PNPLA7: variants seen among roughly 807,000 people sequenced by gnomAD.
PNPLA7 encodes patatin-like phospholipase domain-containing protein 7.
In PNPLA7, 153 loss-of-function variants were observed where a neutral mutation model predicts 161.7. The ratio of observed to expected loss-of-function variants is 0.95; its 90% confidence interval spans 0.83 to 1.08. The LOEUF is 1.08. Ranked by LOEUF, PNPLA7 falls within the 50% of genes least tolerant of loss-of-function variation. The pLI is 0.00. For missense variants in PNPLA7, 1,739 were observed against 1,856.6 expected (o/e 0.94, Z 1.16); for synonymous variants, 809 against 782.1 (o/e 1.03, Z -0.57).
intron 8 of PNPLA7, among the ~76,000 whole-genome samples, chr9:137,534,377 G>A: frequency 6.7e-6 from 1 of 149,382 alleles, no homozygotes; most frequent in East Asian, 2.0e-4. Flanking sequence ...CTCCAGATGG[G>A]TGCACTTCCA....
At position 137,540,769 on chromosome 9, in the gene PNPLA7, C is replaced by T. The variant is rs376517338; in HGVS notation, c.667-47G>A. The stretch of plus-strand genomic sequence containing the variant: ...GGTGCCGTCAGGTCTGGGGCTGCGA[C>T]CGCGGGGCCTGGCGGAGGCTCAGCC... On this transcript the variant is annotated intron_variant, in intron 7 of 34. Transcript: ENST00000406427. The surrounding 1 kb of genome is among the most constrained non-coding windows in gnomAD (Gnocchi z 5.1). 1.1e-5 allele frequency: 17 copies of T among 1,550,804 alleles called. No homozygotes were observed. The African/African-American group carries it at 2.2e-4, about 20-fold the overall frequency.
chr9:137,462,085 C>T (rs1218863358), intron 31 of PNPLA7, 44 bp from the exon 32 acceptor site: 2 of 1,528,680 alleles, frequency 1.3e-6, no homozygotes, highest in East Asian at 2.4e-5. Flanking sequence ...TGGGGAGCCC[C>T]CCACTTCCTG....
intron 16 of PNPLA7, among the ~76,000 whole-genome samples, chr9:137,498,943 A>G (rs1833221493): frequency 6.6e-6 from 1 of 152,122 alleles, no homozygotes; most frequent in Admixed American, 6.5e-5. Context: ...CAAACGTGGA[A>G]TCAGGATCTG....
rs758553681 is a variant in PNPLA7, at chr9:137,531,810, GT to G, written c.747+8831del. 1.4e-4 allele frequency among the ~76,000 whole-genome samples: 22 copies of G among 152,322 alleles called. No individual in the cohort carries two copies. In the East Asian group the frequency reaches 2.3e-3, roughly 16 times the overall value. On this transcript the variant is annotated intron_variant, in intron 8 of 34. Coordinates refer to ENST00000406427, the MANE Select transcript of PNPLA7 (RefSeq NM_001098537.3). ...TAGCTATCTCTGAAGAAAAGAGAAG[GT>G]GAAATGAGAGCACACGTGGGTAATG...
intron 30 of PNPLA7, 75 bp downstream of exon 30, chr9:137,462,610 C>A: frequency 6.4e-7 from 1 of 1,555,928 alleles, no homozygotes; most frequent in Non-Finnish European, 8.7e-7. Context: ...GACCCCCACT[C>A]CCCTGCCGCA....
chr9:137,494,753 C>T (rs1310440166), intron 19 of PNPLA7, among the ~76,000 whole-genome samples: 2 of 150,408 alleles, frequency 1.3e-5, no homozygotes, highest in Non-Finnish European at 1.5e-5. Context: ...CTCACCTGCG[C>T]CCTGCCCTCA....
At chr9:137,514,145 C>T (rs1337340621) in intron 12 of PNPLA7, among the ~76,000 whole-genome samples, 3 of 148,582 alleles carry the variant, frequency 2.0e-5, no homozygotes, top group African/African-American at 7.5e-5. Context: ...GGCCCTGTGG[C>T]TGGGCTGCGG....
chr9:137,461,811 AG>A (rs1270795034), intron 32 of PNPLA7, 119 bp downstream of exon 32: 21 of 1,250,734 alleles, frequency 1.7e-5, no homozygotes, highest in Non-Finnish European at 2.0e-5. Context: ...GTCTTTGGCC[AG>A]GGGGGCAGGG....
intron 8 of PNPLA7, among the ~76,000 whole-genome samples, chr9:137,539,555 G>C (rs1429618396): frequency 6.6e-6 from 1 of 152,074 alleles, no homozygotes; most frequent in African/African-American, 2.4e-5. Flanking sequence ...GTGCACGCCT[G>C]CTACTTGGGA....
intron 12 of PNPLA7, among the ~76,000 whole-genome samples, chr9:137,512,709 G>A (rs1834304134): frequency 6.6e-6 from 1 of 152,140 alleles, no homozygotes; most frequent in African/African-American, 2.4e-5. Context: ...GGAGGCTGAG[G>A]CAGGAGGATC....
At chr9:137,518,900 A>G in intron 11 of PNPLA7, among the ~76,000 whole-genome samples, 1 of 91,906 alleles carries the variant, frequency 1.1e-5, no homozygotes. Flanking sequence ...CACTCACTCC[A>G]CTCTGCTCAC....
In PNPLA7 at chr9:137,543,069, C is replaced by G. The variant is rs1235660728; in HGVS notation, c.507-268G>C. Among the ~76,000 whole-genome samples the G allele has an allele frequency of 1.3e-5, 2 of 152,184 alleles. No individual in the cohort carries two copies. The highest frequency in any genetic ancestry group is 2.9e-5 in the Non-Finnish European group (2 of 68,034). ...CACACGGGAGGAAGGCAAAGGTGGC[C>G]TCCAGGATGGTGAGCTGGGCCAGGG... On this transcript the variant is annotated intron_variant, in intron 6 of 34. Coordinates refer to ENST00000406427, the MANE Select transcript of PNPLA7 (RefSeq NM_001098537.3). This position sits in a 1 kb window ranked among gnomAD's most constrained non-coding sequence, Gnocchi z 6.9.
chr9:137,462,833 G>C lies in PNPLA7; in HGVS notation c.3344C>G (p.Ala1115Gly), dbSNP rs374416034. ...MDGGYINNLPADVARSMGAKV... is the reference protein window; with the variant it reads ...MDGGYINNLPGDVARSMGAKV... Reference sequence around the variant, plus strand: ...TGCCCCCATGGACCGGGCCACATCCGCTAGGGAGAAGCCAGCCCTGGTTAC... The same window carrying C: ...TGCCCCCATGGACCGGGCCACATCCCCTAGGGAGAAGCCAGCCCTGGTTAC... The change falls in exon 30 of 35, where the codon GCG (alanine) becomes GGG (glycine). Residue 1115 changes from alanine to glycine, a missense_variant and splice_region_variant. By Grantham distance (60) the Ala-to-Gly change is moderately conservative. Coordinates refer to ENST00000406427, the MANE Select transcript of PNPLA7 (RefSeq NM_001098537.3). 3.1e-6 allele frequency: 5 copies of C among 1,613,648 alleles called. No individual in the cohort carries two copies. The South Asian group carries it at 5.5e-5, about 18-fold the overall frequency.
chr9:137,542,513 T>C (rs1836260030), intron 7 of PNPLA7, 129 bp downstream of exon 7: 1 of 1,081,762 alleles, frequency 9.2e-7, no homozygotes, highest in South Asian at 1.9e-5. Flanking sequence ...AACGGTGAGT[T>C]TTCCCCCAAA....
Position 137,486,113 on chromosome 9 carries a change from C to A in PNPLA7, c.2198-1377G>T, listed in dbSNP as rs1020317120. 1.3e-5 allele frequency among the ~76,000 whole-genome samples: 2 copies of A among 152,038 alleles called. No individual in the cohort carries two copies. On this transcript the variant is annotated intron_variant, in intron 20 of 34. Coordinates refer to ENST00000406427, the MANE Select transcript of PNPLA7 (RefSeq NM_001098537.3). This position sits in a 1 kb window ranked among gnomAD's most constrained non-coding sequence, Gnocchi z 6.0. Reference sequence around the variant, plus strand: ...TCACAGGCTGTCCCCTGGCCTATGTCTCCCGTCCCCAGTGAGGTGGCTTCC... The same window carrying A: ...TCACAGGCTGTCCCCTGGCCTATGTATCCCGTCCCCAGTGAGGTGGCTTCC...
chr9:137,507,444 C>T (rs1833982509), intron 12 of PNPLA7, among the ~76,000 whole-genome samples: 2 of 152,122 alleles, frequency 1.3e-5, no homozygotes, highest in Admixed American at 1.3e-4. Context: ...CTGAGGCAGG[C>T]AGGTCGCCTA....
At chr9:137,488,666 G>C (rs1156798506) in intron 20 of PNPLA7, among the ~76,000 whole-genome samples, 2 of 152,064 alleles carry the variant, frequency 1.3e-5, no homozygotes, top group African/African-American at 4.8e-5. Flanking sequence ...CTCCCCATGG[G>C]AGCTGCCTCT....
At chr9:137,511,077 G>A (rs149392461) in intron 12 of PNPLA7, among the ~76,000 whole-genome samples, 4 of 152,374 alleles carry the variant, frequency 2.6e-5, no homozygotes, top group East Asian at 1.9e-4. Context: ...TCTCTGTCAC[G>A]CCCAGATAAG....
chr9:137,496,567 CG>C (rs1833069478), intron 18 of PNPLA7, among the ~76,000 whole-genome samples: 1 of 151,904 alleles, frequency 6.6e-6, no homozygotes, highest in Non-Finnish European at 1.5e-5. Context: ...CAAAATTAGC[CG>C]GGCGTGGTGG....
Sources: gnomAD v4.1 joint callset for allele counts (sites outside exome capture counted in the v4.1 genomes callset) on GRCh38, gnomAD v4.1.1 for gene constraint, Gnocchi (gnomAD v3.1) non-coding constraint, MANE v1.5 for transcripts, NCBI Gene and HGNC (gene_info 2026-07-23, HGNC 2026-07-21) for gene names.